Variants in ADAMTS6 observed in about 807,000 individuals in gnomAD.
ADAMTS6 encodes A disintegrin and metalloproteinase with thrombospondin motifs 6.
In ADAMTS6, 23 loss-of-function variants were observed where a neutral mutation model predicts 144.3. That is an observed-to-expected ratio of 0.16 (90% CI 0.11 to 0.23). The LOEUF is 0.23. Ranked by LOEUF, ADAMTS6 falls within the 10% of genes least tolerant of loss-of-function variation. The pLI is 1.00. For missense variants in ADAMTS6, 999 were observed against 1,379.6 expected (o/e 0.72, Z 4.37); for synonymous variants, 444 against 457.5 (o/e 0.97, Z 0.38).
rs397884878 is a variant in ADAMTS6, at chr5:65,239,263, TA to T, written c.1933+2840del. The stretch of plus-strand genomic sequence containing the variant: ...CACATGCACCCTAGAACTTAATGTA[TA>T]AAAAAAAAAAAAACTGTGTTCATGA... On this transcript the variant is annotated intron_variant, in intron 15 of 24. Transcript: ENST00000381055. Among the ~76,000 whole-genome samples the T allele has an allele frequency of 2.5e-3, 357 of 142,898 alleles. 3 individuals carry two copies. Among genetic ancestry groups the T allele is most frequent in the Middle Eastern group, 0.011 (3 of 272 alleles). 93.7% of individuals were successfully genotyped at this position (142,898 alleles called of 152,430 possible). A position where few individuals can be genotyped will look rare whatever the true frequency, so the allele number is the denominator to read the frequency against.
chr5:65,177,552 A>T (rs368696917), intron 22 of ADAMTS6, among the ~76,000 whole-genome samples: 1 of 152,170 alleles, frequency 6.6e-6, no homozygotes, highest in Non-Finnish European at 1.5e-5. Context: ...TTGCCCCCCA[A>T]TGTAGAGCTT....
intron 1 of ADAMTS6, among the ~76,000 whole-genome samples, chr5:65,475,618 A>G (rs1042900713): frequency 6.6e-6 from 1 of 152,228 alleles, no homozygotes; most frequent in Non-Finnish European, 1.5e-5. Flanking sequence ...AAAGCATTTC[A>G]GATAGATCCC....
At chr5:65,292,260 C>T (rs1395370901) in intron 10 of ADAMTS6, among the ~76,000 whole-genome samples, 2 of 152,042 alleles carry the variant, frequency 1.3e-5, no homozygotes, top group Non-Finnish European at 2.9e-5. Context: ...AGTCAGTGTG[C>T]ATAAAATAGG....
At chr5:65,215,237 T>C in intron 19 of ADAMTS6, 87 bp downstream of exon 19, 1 of 1,415,786 alleles carries the variant, frequency 7.1e-7, no homozygotes, top group Non-Finnish European at 9.7e-7. Flanking sequence ...TCATCACCTG[T>C]AAAGCAGAGA....
In ADAMTS6 at chr5:65,385,594, T is replaced by C. The variant is rs143934058; in HGVS notation, c.1074-51509A>G. 3.8e-4 allele frequency among the ~76,000 whole-genome samples: 58 copies of C among 152,232 alleles called. 1 individual carries two copies. In the East Asian group the frequency reaches 0.01, roughly 27 times the overall value. On this transcript the variant is annotated intron_variant, in intron 7 of 24. Transcript: ENST00000381055. ...AATTATCATCATTTTTTATTTTATT[T>C]ATTGTTATATTTTAATTTCTTAAAT...
At chr5:65,188,364 T>C (rs896472677) in intron 21 of ADAMTS6, 144 bp from the exon 22 acceptor site, 2 of 784,802 alleles carry the variant, frequency 2.5e-6, no homozygotes, top group Non-Finnish European at 4.1e-6. Flanking sequence ...ATGAAAGAGC[T>C]GCTAAGGAAA....
chr5:65,174,769 G>A (rs1028871697), intron 22 of ADAMTS6, among the ~76,000 whole-genome samples: 4 of 152,140 alleles, frequency 2.6e-5, no homozygotes, highest in African/African-American at 9.7e-5. Context: ...CTGTAAAAGT[G>A]TGTGTGTGTG....
At chr5:65,225,673 C>T (rs552341800) in intron 16 of ADAMTS6, among the ~76,000 whole-genome samples, 1 of 152,272 alleles carries the variant, frequency 6.6e-6, no homozygotes, top group African/African-American at 2.4e-5. Context: ...AGGAGCATGG[C>T]TGTTTCACAC....
intron 14 of ADAMTS6, among the ~76,000 whole-genome samples, chr5:65,250,246 T>G (rs1760035735): frequency 6.6e-6 from 1 of 152,220 alleles, no homozygotes; most frequent in Admixed American, 6.5e-5. Context: ...ATACAGCCTA[T>G]TTATATAAGA....
chr5:65,167,730 T>C (rs1285836074), intron 24 of ADAMTS6, among the ~76,000 whole-genome samples: 1 of 108,192 alleles, frequency 9.2e-6, no homozygotes, highest in Non-Finnish European at 1.9e-5. Flanking sequence ...TGGTTCAATA[T>C]ACGCAAATCA....
chr5:65,444,748 A>T lies in ADAMTS6; in HGVS notation c.1073+6727T>A, dbSNP rs529042007. 3.3e-5 allele frequency among the ~76,000 whole-genome samples: 5 copies of T among 151,648 alleles called. No individual in the cohort carries two copies. In the South Asian group the frequency reaches 1.0e-3, roughly 32 times the overall value. On this transcript the variant is annotated intron_variant, in intron 7 of 24. Transcript: ENST00000381055. The stretch of plus-strand genomic sequence containing the variant: ...GCCATCCTAGAAGTCTGCCTACCAC[A>T]GGTGCCAACGTTATTAAAGGATACC...
chr5:65,310,089 CT>C (rs1345431267), intron 9 of ADAMTS6, among the ~76,000 whole-genome samples: 1 of 151,778 alleles, frequency 6.6e-6, no homozygotes, highest in African/African-American at 2.4e-5. Context: ...GAGATCTGGT[CT>C]TTTAAAAGTG....
rs558550995 is a variant in ADAMTS6, at chr5:65,302,646, CAT to C, written c.1224-2517_1224-2516del. Among the ~76,000 whole-genome samples, 620 of 152,108 alleles carry C rather than the reference CAT, an allele frequency of 4.1e-3. 2 individuals carry two copies. The highest frequency in any genetic ancestry group is 0.013 in the African/African-American group (551 of 41,520). ...GAAGTTTCAAGTGTGTCAAATCAAA[CAT>C]ATATTCTGTCAAAATAATCAACTAT... On this transcript the variant is annotated intron_variant, in intron 9 of 24. Transcript: ENST00000381055.
chr5:65,365,581 A>C (rs1197998524), intron 7 of ADAMTS6, among the ~76,000 whole-genome samples: 1 of 151,240 alleles, frequency 6.6e-6, no homozygotes, highest in African/African-American at 2.4e-5. Context: ...TGGGAGGCGG[A>C]GGTTTCAGTG....
chr5:65,257,175 T>C (rs1174190139), intron 14 of ADAMTS6, among the ~76,000 whole-genome samples: 1 of 151,870 alleles, frequency 6.6e-6, no homozygotes, highest in African/African-American at 2.4e-5. Flanking sequence ...AGTATTACCC[T>C]ATATTTTAAG....
chr5:65,334,229 A>G, intron 7 of ADAMTS6, 144 bp from the exon 8 acceptor site: 1 of 891,324 alleles, frequency 1.1e-6, no homozygotes, highest in Non-Finnish European at 1.6e-6. Flanking sequence ...CATTTTCAGC[A>G]CTCTACAGTG....
intron 7 of ADAMTS6, among the ~76,000 whole-genome samples, chr5:65,428,848 C>A (rs2150212158): frequency 6.6e-6 from 1 of 152,000 alleles, no homozygotes; most frequent in Admixed American, 6.5e-5. Flanking sequence ...AAAAATACTA[C>A]AGAAAAAAGT....
intron 7 of ADAMTS6, among the ~76,000 whole-genome samples, chr5:65,424,483 T>C (rs1442744915): frequency 6.6e-6 from 1 of 152,236 alleles, no homozygotes; most frequent in African/African-American, 2.4e-5. Flanking sequence ...CAAAGTCTCT[T>C]GATCTTACTA....
chr5:65,310,104 G>C (rs531992051), intron 9 of ADAMTS6, among the ~76,000 whole-genome samples: 30 of 151,752 alleles, frequency 2.0e-4, no homozygotes, highest in African/African-American at 6.8e-4. Flanking sequence ...AAAAGTGTGT[G>C]GCACCTCCTC....
Sources: gnomAD v4.1 joint callset for allele counts (sites outside exome capture counted in the v4.1 genomes callset) on GRCh38, gnomAD v4.1.1 for gene constraint, MANE v1.5 for transcripts, NCBI Gene and HGNC (gene_info 2026-07-23, HGNC 2026-07-21) for gene names.